The following FBRSL1 variants were observed in gnomAD, a reference collection of about 807,000 sequenced individuals.
The protein encoded by FBRSL1 is fibrosin-1-like protein.
Under a neutral mutation model 89.6 loss-of-function variants are expected in FBRSL1, and 51 were observed. The ratio of observed to expected loss-of-function variants is 0.57; its 90% CI spans 0.45 to 0.72. The LOEUF (loss-of-function observed/expected upper bound fraction) is 0.72, where lower values mean the gene tolerates loss of function less well. Ranked by LOEUF, FBRSL1 falls within the 30% of genes least tolerant of loss-of-function variation. The probability of loss-of-function intolerance (pLI) is 0.00; values close to 1 mark genes in which losing one functional copy is unlikely to be tolerated. For missense variants in FBRSL1, 1,618 were observed against 1,451.8 expected (o/e 1.11, Z -1.86); for synonymous variants, 779 against 681.1 (o/e 1.14, Z -2.24).
intron 17 of FBRSL1, 49 bp from the exon 18 acceptor site, chr12:132,582,013 C>A: frequency 6.9e-7 from 1 of 1,459,700 alleles, no homozygotes; most frequent in Non-Finnish European, 9.3e-7. Flanking sequence ...TGGGGAGTGG[C>A]TGGGGAGCAG....
At chr12:132,541,633 C>T (rs144666862) in intron 4 of FBRSL1, among the ~76,000 whole-genome samples, 2,250 of 152,342 alleles carry the variant, frequency 0.015, 33 homozygotes, top group Non-Finnish European at 0.022. Context: ...CCTTTCCAAT[C>T]GTGAGACATT....
chr12:132,508,139 C>G lies in FBRSL1; in HGVS notation c.292-14C>G. ...GTCCCGCCAATTAACTGGCGTTTCC[C>G]TGTCTCCCTGCAGAAGGATATGGCC... On this transcript the variant is annotated splice_polypyrimidine_tract_variant and intron_variant, in intron 1 of 18. Coordinates refer to ENST00000680143, the MANE Select transcript of FBRSL1 (RefSeq NM_001367871.1). 7.8e-7 allele frequency: 1 copy of G among 1,274,352 alleles called. No homozygotes were observed. Among genetic ancestry groups the G allele is most frequent in the Non-Finnish European group, 1.1e-6 (1 of 892,500 alleles). The allele number at this position is 1,274,352 out of a possible 1,614,324, so 78.9% of individuals were successfully genotyped here.
chr12:132,536,579 AGT>A (rs755410776), intron 4 of FBRSL1, among the ~76,000 whole-genome samples: 6 of 145,002 alleles, frequency 4.1e-5, no homozygotes, highest in African/African-American at 5.2e-5. Flanking sequence ...TGTACATCAC[AGT>A]GTGTGAGTGC....
rs147063032 is a variant in FBRSL1, at chr12:132,500,126, C to T, written c.292-8027C>T. ...CGCCGGCACTGCCCTCTAGACTCTG[C>T]GGGAGCCATCAAGCGTCTGGGGCTG... On this transcript the variant is annotated intron_variant, in intron 1 of 18. Transcript: ENST00000680143. Among the ~76,000 whole-genome samples the T allele has an allele frequency of 4.5e-3, 691 of 152,280 alleles. 2 individuals are homozygous for T. Among genetic ancestry groups the T allele is most frequent in the African/African-American group, 0.016 (657 of 41,560 alleles).
chr12:132,573,854 G>C (rs562013682), intron 11 of FBRSL1, among the ~76,000 whole-genome samples: 1 of 152,186 alleles, frequency 6.6e-6, no homozygotes, highest in Non-Finnish European at 1.5e-5. Context: ...GTGGCTCCCC[G>C]GGGAGGGTCG....
At chr12:132,521,126 G>T (rs542683011) in intron 2 of FBRSL1, among the ~76,000 whole-genome samples, 1 of 152,360 alleles carries the variant, frequency 6.6e-6, no homozygotes, top group South Asian at 2.1e-4. Flanking sequence ...CCAGTCCCTG[G>T]GGGAGGCCCA....
At chr12:132,530,975 G>A (rs150424592) in intron 4 of FBRSL1, among the ~76,000 whole-genome samples, 3,205 of 145,208 alleles carry the variant, frequency 0.022, 49 homozygotes, top group Non-Finnish European at 0.034. Flanking sequence ...TCAGCCCTGC[G>A]GGCCCCTTGT....
intron 1 of FBRSL1, among the ~76,000 whole-genome samples, chr12:132,495,337 G>C (rs1263454720): frequency 6.6e-6 from 1 of 152,234 alleles, no homozygotes; most frequent in Admixed American, 6.5e-5. Context: ...AGCACCGCGT[G>C]TGGGGCCTGA....
Position 132,569,945 on chromosome 12 carries a change from G to A in FBRSL1, c.711G>A (p.Ser237=), listed in dbSNP as rs745558613. ...CTGCAGGCCCAGCGCTTGAGAAGTC[G>A]GAGGCCAAGGCCGGGCCGGTGCCCA... is the stretch of plus-strand genomic sequence containing the variant. ...GTDKGPALEK[S]EAKAGPVPKV... The change falls in exon 7 of 19, where the codon TCG becomes TCA. Residue 237 remains serine (S), a synonymous_variant. Coordinates refer to ENST00000680143, the MANE Select transcript of FBRSL1 (RefSeq NM_001367871.1). 4.5e-5 allele frequency: 64 copies of A among 1,420,730 alleles called. No homozygotes were observed. Among genetic ancestry groups the A allele is most frequent in the East Asian group, 8.3e-5 (3 of 35,988 alleles). 88.0% of individuals were successfully genotyped at this position (1,420,730 alleles called of 1,614,324 possible).
chr12:132,515,327 C>T (rs1027391262), intron 2 of FBRSL1, among the ~76,000 whole-genome samples: 2 of 152,202 alleles, frequency 1.3e-5, no homozygotes, highest in Non-Finnish European at 2.9e-5. Flanking sequence ...CCTCACTCCC[C>T]TGTCCTCCCA....
chr12:132,537,873 A>T (rs1247578681), intron 4 of FBRSL1, among the ~76,000 whole-genome samples: 2 of 152,204 alleles, frequency 1.3e-5, no homozygotes, highest in African/African-American at 4.8e-5. Flanking sequence ...GATAACAAAT[A>T]AGCAGCTGAT....
At chr12:132,531,566 T>TGC (rs1458592725) in intron 4 of FBRSL1, among the ~76,000 whole-genome samples, 1 of 152,028 alleles carries the variant, frequency 6.6e-6, no homozygotes, top group Non-Finnish European at 1.5e-5. Context: ...TGTGTGTGTG[T>TGC]GCACCCGCGT....
chr12:132,521,939 T>G (rs1209614207), intron 2 of FBRSL1, among the ~76,000 whole-genome samples: 2 of 151,932 alleles, frequency 1.3e-5, no homozygotes, highest in Non-Finnish European at 2.9e-5. Flanking sequence ...GGGGAGCAGG[T>G]GGGGCGATGA....
Position 132,583,975 on chromosome 12 carries a change from G to C in FBRSL1, c.*197G>C. ...TTCCGAGTTTGGGATTCGGCTGTTGGGAAAAAAAAATCGCGTTTGTACCTT... is the reference window on the plus strand; with the variant it reads ...TTCCGAGTTTGGGATTCGGCTGTTGCGAAAAAAAAATCGCGTTTGTACCTT... On this transcript the variant is annotated 3_prime_UTR_variant, in exon 19 of 19. Coordinates refer to ENST00000680143, the MANE Select transcript of FBRSL1 (RefSeq NM_001367871.1). 1 of 281,360 alleles carries C rather than the reference G, an allele frequency of 3.6e-6. No homozygotes were observed. The highest frequency in any genetic ancestry group is 5.6e-5 in the East Asian group (1 of 17,966). The allele number at this position is 281,360 out of a possible 1,614,324, so 17.4% of individuals were successfully genotyped here.
Position 132,582,955 on chromosome 12 carries a change from G to A in FBRSL1, c.2202-16G>A. 7 of 1,399,140 alleles carry A rather than the reference G, an allele frequency of 5.0e-6. No homozygotes were observed. Among genetic ancestry groups the A allele is most frequent in the Admixed American group, 3.4e-5 (1 of 29,298 alleles). The allele number at this position is 1,399,140 out of a possible 1,614,324, so 86.7% of individuals were successfully genotyped here. A position where few individuals can be genotyped will look rare whatever the true frequency, so the allele number is the denominator to read the frequency against. On this transcript the variant is annotated splice_polypyrimidine_tract_variant and intron_variant, in intron 18 of 18. Transcript: ENST00000680143. ...CGGAGGTCTCGGGAGTGACGGGTCCGCCCTGCCGCCCCCAGGGACCTCCTG... is the reference window on the plus strand; with the variant it reads ...CGGAGGTCTCGGGAGTGACGGGTCCACCCTGCCGCCCCCAGGGACCTCCTG...
intron 4 of FBRSL1, among the ~76,000 whole-genome samples, chr12:132,543,524 G>T (rs1343825129): frequency 6.6e-6 from 1 of 152,200 alleles, no homozygotes; most frequent in Non-Finnish European, 1.5e-5. Flanking sequence ...CCTGTTCTCA[G>T]CAGGAAGCAG....
Position 132,500,088 on chromosome 12 carries a change from C to G in FBRSL1, c.292-8065C>G, listed in dbSNP as rs1416173433. Among the ~76,000 whole-genome samples, 7 of 152,288 alleles carry G rather than the reference C, an allele frequency of 4.6e-5. No individual in the cohort carries two copies. The South Asian group carries it at 1.0e-3, about 23-fold the overall frequency. ...ACCCTCTGGCCGGAATCCGTGGTGTCTGGCTCAGGAGGCGCCGGCACTGCC... is the reference window on the plus strand; with the variant it reads ...ACCCTCTGGCCGGAATCCGTGGTGTGTGGCTCAGGAGGCGCCGGCACTGCC... On this transcript the variant is annotated intron_variant, in intron 1 of 18. Transcript: ENST00000680143.
Position 132,490,867 on chromosome 12 carries a change from TG to T in FBRSL1, c.291+8del. On this transcript the variant is annotated splice_region_variant and intron_variant, in intron 1 of 18. Transcript: ENST00000680143. ...GCACCCTGGAGGCCCTGGAGGTAGG[TG>T]GACGGGTGCGGCTTCGCAGGCGTTG... The T allele has an allele frequency of 7.2e-7, 1 of 1,380,718 alleles. No individual in the cohort carries two copies. Among genetic ancestry groups the T allele is most frequent in the Non-Finnish European group, 9.4e-7 (1 of 1,059,542 alleles). The allele number at this position is 1,380,718 out of a possible 1,614,324, so 85.5% of individuals were successfully genotyped here.
At chr12:132,543,271 A>T (rs1334023781) in intron 4 of FBRSL1, among the ~76,000 whole-genome samples, 1 of 152,232 alleles carries the variant, frequency 6.6e-6, no homozygotes, top group Non-Finnish European at 1.5e-5. Context: ...GCAGATGAGG[A>T]AACAGGCTCG....
Sources: gnomAD v4.1 joint callset for allele counts (sites outside exome capture counted in the v4.1 genomes callset) on GRCh38, gnomAD v4.1.1 for gene constraint, MANE v1.5 for transcripts, NCBI Gene and HGNC (gene_info 2026-07-23, HGNC 2026-07-21) for gene names.